Variants in CASZ1 observed in about 807,000 individuals in gnomAD.
CASZ1 encodes the protein castor zinc finger 1, also known as zinc finger protein castor homolog 1.
A neutral mutation model predicts 135.2 loss-of-function variants in CASZ1; 28 were observed. The ratio of observed to expected loss-of-function variants is 0.21; its 90% CI spans 0.15 to 0.28. The LOEUF is 0.28. CASZ1 is among the 10% of genes least tolerant of loss of function. The probability of loss-of-function intolerance (pLI) is 1.00; values close to 1 mark genes in which losing one functional copy is unlikely to be tolerated. For missense variants in CASZ1, 2,161 were observed against 2,453.3 expected (o/e 0.88, Z 2.52); for synonymous variants, 1,068 against 1,073.4 (o/e 0.99, Z 0.10).
Position 10,721,734 on chromosome 1 carries a change from A to G in CASZ1, c.-76-16190T>C, listed in dbSNP as rs1450755933. Reference sequence around the variant, plus strand: ...TGCAAACCAGGAAGTGGACGGCCCCAGCCTCTATCGGATCTGGCAGGCCTG... The same window carrying G: ...TGCAAACCAGGAAGTGGACGGCCCCGGCCTCTATCGGATCTGGCAGGCCTG... On this transcript the variant is annotated intron_variant, in intron 2 of 20. Coordinates refer to ENST00000377022, the MANE Select transcript of CASZ1 (RefSeq NM_001079843.3). This position sits in a 1 kb window ranked among gnomAD's most constrained non-coding sequence, Gnocchi z 5.4. Among the ~76,000 whole-genome samples the G allele has an allele frequency of 6.6e-6, 1 of 152,224 alleles. No individual in the cohort carries two copies. The highest frequency in any genetic ancestry group is 1.5e-5 in the Non-Finnish European group (1 of 68,032).
rs956392112 is a variant in CASZ1 at position 10,719,156 on chromosome 1, A to C, written c.-76-13612T>G. Among the ~76,000 whole-genome samples, 1 of 152,048 alleles carries C rather than the reference A, an allele frequency of 6.6e-6. No homozygotes were observed. Among genetic ancestry groups the C allele is most frequent in the African/African-American group, 2.4e-5 (1 of 41,384 alleles). On this transcript the variant is annotated intron_variant, in intron 2 of 20. Coordinates refer to ENST00000377022, the MANE Select transcript of CASZ1 (RefSeq NM_001079843.3). The surrounding 1 kb of genome is among the most constrained non-coding windows in gnomAD (Gnocchi z 4.0). ...TAGTCTCGAACTCCTGACCTCAAGC[A>C]ATCTGCCCGCTTCCGGCTCCCTAAG...
At chr1:10,704,411 A>C (rs1007943489) in intron 3 of CASZ1, 6 of 152,218 alleles carry the variant, frequency 3.9e-5, no homozygotes, top group African/African-American at 9.7e-5. Context: ...GCGAGAGTGC[A>C]GGGCGCGGGC....
rs186059893 is a variant in CASZ1, at chr1:10,700,190, C to T, written c.-24+5302G>A. 6.6e-6 allele frequency among the ~76,000 whole-genome samples: 1 copy of T among 152,098 alleles called. No individual in the cohort carries two copies. Among genetic ancestry groups the T allele is most frequent in the Non-Finnish European group, 1.5e-5 (1 of 68,018 alleles). ...GCCCAGCCTGTGGCCCCAGCCCGGG[C>T]GGGGACCTGTTCTGGAATGTTGGGT... On this transcript the variant is annotated intron_variant, in intron 3 of 20. Transcript: ENST00000377022. The surrounding 1 kb of genome is among the most constrained non-coding windows in gnomAD (Gnocchi z 4.2).
chr1:10,708,760 A>C (rs1301698140), intron 2 of CASZ1, among the ~76,000 whole-genome samples: 1 of 151,988 alleles, frequency 6.6e-6, no homozygotes. Flanking sequence ...TTAATTATAA[A>C]AGAGAGTGAG....
rs1259425086 is a variant in CASZ1, at chr1:10,709,523, C to T, written c.-76-3979G>A. On this transcript the variant is annotated intron_variant, in intron 2 of 20. Coordinates refer to ENST00000377022, the MANE Select transcript of CASZ1 (RefSeq NM_001079843.3). This position sits in a 1 kb window ranked among gnomAD's most constrained non-coding sequence, Gnocchi z 5.1. ...AGAGTCTCACTACCCCGGGACCAGG[C>T]GTGACAAAACCTATTTTCTGCCTCA... Among the ~76,000 whole-genome samples, 2 of 152,032 alleles carry T rather than the reference C, an allele frequency of 1.3e-5. No individual in the cohort carries two copies. Among genetic ancestry groups the T allele is most frequent in the Non-Finnish European group, 2.9e-5 (2 of 68,012 alleles).
chr1:10,772,965 C>T lies in CASZ1; in HGVS notation c.-233-12108G>A, dbSNP rs539842214. On this transcript the variant is annotated intron_variant, in intron 1 of 20. Coordinates refer to ENST00000377022, the MANE Select transcript of CASZ1 (RefSeq NM_001079843.3). ...CCACATGGTGGAGGATGGGGGCTCC[C>T]GAAGGCTCTAGAACACCTGGTGGCA... is the stretch of plus-strand genomic sequence containing the variant. Among the ~76,000 whole-genome samples, 7 of 152,186 alleles carry T rather than the reference C, an allele frequency of 4.6e-5. No individual in the cohort carries two copies. In the East Asian group the frequency reaches 1.4e-3, roughly 29 times the overall value.
intron 5 of CASZ1, among the ~76,000 whole-genome samples, chr1:10,664,381 G>T (rs961671654): frequency 6.8e-6 from 1 of 147,672 alleles, no homozygotes; most frequent in Non-Finnish European, 1.5e-5. Context: ...GGCTGCTCTC[G>T]ATCCCCAGGA....
intron 18 of CASZ1, among the ~76,000 whole-genome samples, chr1:10,644,257 G>T (rs1237244540): frequency 2.6e-5 from 4 of 152,174 alleles, no homozygotes; most frequent in Non-Finnish European, 5.9e-5. Context: ...TGTGAACAGG[G>T]GCCAGGGGCT....
intron 2 of CASZ1, among the ~76,000 whole-genome samples, chr1:10,728,872 G>A (rs752470050): frequency 2.0e-4 from 30 of 152,278 alleles, no homozygotes; most frequent in Non-Finnish European, 3.4e-4. Context: ...TCGCTGGGCC[G>A]GGCCCAGCAC....
intron 2 of CASZ1, among the ~76,000 whole-genome samples, chr1:10,718,916 C>T (rs914773261): frequency 3.3e-5 from 5 of 152,114 alleles, no homozygotes; most frequent in African/African-American, 4.8e-5. Context: ...CTCTGTTGCC[C>T]AGGCTGGAGT....
At chr1:10,683,645 G>A (rs927748261) in intron 4 of CASZ1, among the ~76,000 whole-genome samples, 2 of 152,120 alleles carry the variant, frequency 1.3e-5, no homozygotes, top group Non-Finnish European at 1.5e-5. Flanking sequence ...AGGGCTCTGC[G>A]TCCAGTCCTT....
chr1:10,748,159 T>A (rs1306494788), intron 2 of CASZ1, among the ~76,000 whole-genome samples: 2 of 152,094 alleles, frequency 1.3e-5, no homozygotes, highest in African/African-American at 4.8e-5. Context: ...CAACTCCCCT[T>A]CTAAGCCTGG....
rs1175831426 is a variant in CASZ1, at chr1:10,684,447, G to A, written c.16+9427C>T. 2.0e-5 allele frequency among the ~76,000 whole-genome samples: 3 copies of A among 152,178 alleles called. No individual in the cohort carries two copies. In the East Asian group the frequency reaches 5.8e-4, roughly 29 times the overall value. On this transcript the variant is annotated intron_variant, in intron 4 of 20. Coordinates refer to ENST00000377022, the MANE Select transcript of CASZ1 (RefSeq NM_001079843.3). Reference sequence around the variant, plus strand: ...CTGGAAGCAAGTTTTGGTAGCGCAAGGGGGTTTAAGTGGAGCCAGCTGCAA... The same window carrying A: ...CTGGAAGCAAGTTTTGGTAGCGCAAAGGGGTTTAAGTGGAGCCAGCTGCAA...
intron 2 of CASZ1, among the ~76,000 whole-genome samples, chr1:10,732,028 T>G (rs1639710220): frequency 6.6e-6 from 1 of 152,042 alleles, no homozygotes; most frequent in South Asian, 2.1e-4. Flanking sequence ...AATATCCATA[T>G]ATATAATCCA....
chr1:10,790,891 A>G (rs1640944903), intron 1 of CASZ1, among the ~76,000 whole-genome samples: 1 of 152,078 alleles, frequency 6.6e-6, no homozygotes, highest in South Asian at 2.1e-4. Flanking sequence ...AGCACATTCT[A>G]AAGTTTGGGG....
chr1:10,653,785 T>A lies in CASZ1; in HGVS notation c.2272A>T (p.Thr758Ser). 6.2e-7 allele frequency: 1 copy of A among 1,609,374 alleles called. No homozygotes were observed. The highest frequency in any genetic ancestry group is 8.5e-7 in the Non-Finnish European group (1 of 1,177,720). ...TTGGTGGCACTGGGCCCAGCCTCGG[T>A]GGCGGCAGTGGCGGCAGCCAGGGAC... ...SASLAAATAA[T>S]EAGPSATKPP... Residue 758 changes from threonine to serine, a missense_variant, in exon 11 of 21, where the codon ACC becomes TCC. Transcript: ENST00000377022.
At position 10,756,559 on chromosome 1, in the gene CASZ1, T is replaced by A. The variant is rs1342197114; in HGVS notation, c.-77+4142A>T. On this transcript the variant is annotated intron_variant, in intron 2 of 20. Coordinates refer to ENST00000377022, the MANE Select transcript of CASZ1 (RefSeq NM_001079843.3). The surrounding 1 kb of genome is among the most constrained non-coding windows in gnomAD (Gnocchi z 5.9). ...GGGGCCTGTCCAGGGGCGCTGGGGA[T>A]CACTGCTATCACAGCATCGATGCTG... Among the ~76,000 whole-genome samples, 1 of 152,182 alleles carries A rather than the reference T, an allele frequency of 6.6e-6. No individual in the cohort carries two copies. Among genetic ancestry groups the A allele is most frequent in the African/African-American group, 2.4e-5 (1 of 41,448 alleles).
At position 10,646,907 on chromosome 1, in the gene CASZ1, G is replaced by A. The variant is rs1038169989; in HGVS notation, c.3498-581C>T. ...ACCCACTCAGACCTCACTTGCCGGC[G>A]GAGTGGGAGAGCTGCTGGGGCAGAG... On this transcript the variant is annotated intron_variant, in intron 16 of 20. Coordinates refer to ENST00000377022, the MANE Select transcript of CASZ1 (RefSeq NM_001079843.3). The surrounding 1 kb of genome is among the most constrained non-coding windows in gnomAD (Gnocchi z 6.4). 6.6e-6 allele frequency among the ~76,000 whole-genome samples: 1 copy of A among 152,160 alleles called. No homozygotes were observed. The highest frequency in any genetic ancestry group is 1.5e-5 in the Non-Finnish European group (1 of 67,996).
intron 4 of CASZ1, among the ~76,000 whole-genome samples, chr1:10,688,997 A>G (rs1638681448): frequency 6.6e-6 from 1 of 152,168 alleles, no homozygotes; most frequent in South Asian, 2.1e-4. Flanking sequence ...GAGAAGGAGG[A>G]AAAGGAGGAA....
Sources: gnomAD v4.1 joint callset for allele counts (sites outside exome capture counted in the v4.1 genomes callset) on GRCh38, gnomAD v4.1.1 for gene constraint, Gnocchi (gnomAD v3.1) non-coding constraint, MANE v1.5 for transcripts, NCBI Gene and HGNC (gene_info 2026-07-23, HGNC 2026-07-21) for gene names.